Variants in LRRC72 observed in about 807,000 individuals in gnomAD.
LRRC72 encodes leucine-rich repeat-containing protein 72.
LRRC72 carries 41 observed loss-of-function variants against 35.8 expected under a neutral mutation model. That is an observed-to-expected ratio of 1.15 (90% CI 0.89 to 1.49). The LOEUF (loss-of-function observed/expected upper bound fraction) is 1.49, where lower values mean the gene tolerates loss of function less well. Ranked by LOEUF, LRRC72 falls within the 40% of genes most tolerant of loss-of-function variation. The pLI is 0.00. For missense variants in LRRC72, 389 were observed against 330.7 expected (o/e 1.18, Z -1.37); for synonymous variants, 118 against 119.2 (o/e 0.99, Z 0.07).
intron 3 of LRRC72, among the ~76,000 whole-genome samples, chr7:16,547,656 G>C (rs1463099638): frequency 3.3e-5 from 5 of 152,224 alleles, no homozygotes; most frequent in Admixed American, 2.0e-4. Context: ...CCCAAGCCTG[G>C]GCGCTGTCAC....
intron 5 of LRRC72, among the ~76,000 whole-genome samples, chr7:16,561,069 T>C (rs1782737067): frequency 6.6e-6 from 1 of 152,196 alleles, no homozygotes; most frequent in African/African-American, 2.4e-5. Flanking sequence ...CATTTATTTA[T>C]TCATTCATTC....
intron 7 of LRRC72, among the ~76,000 whole-genome samples, chr7:16,575,575 G>A (rs1783026331): frequency 1.3e-5 from 2 of 152,180 alleles, no homozygotes; most frequent in South Asian, 2.1e-4. Context: ...TTTTTAAAAT[G>A]AGTATAATAT....
At chr7:16,556,070 T>TA (rs34275623) in intron 3 of LRRC72, among the ~76,000 whole-genome samples, 59,739 of 147,594 alleles carry the variant, frequency 0.4, 12,491 homozygotes, top group East Asian at 0.53. Flanking sequence ...GAGTCAATAC[T>TA]AAAAAAAAAA....
chr7:16,530,556 C>A (rs2128334196), intron 1 of LRRC72: 1 of 152,266 alleles, frequency 6.6e-6, no homozygotes, highest in South Asian at 2.1e-4. Context: ...ATAAAATTAA[C>A]CATCAGACCA....
At chr7:16,530,094 CT>C (rs1782136633) in intron 1 of LRRC72, 1 of 152,004 alleles carries the variant, frequency 6.6e-6, no homozygotes, top group African/African-American at 2.4e-5. Context: ...GTCTAGATAT[CT>C]GTCTGTATTA....
At chr7:16,572,918 C>G (rs570647342) in intron 7 of LRRC72, among the ~76,000 whole-genome samples, 9 of 152,224 alleles carry the variant, frequency 5.9e-5, no homozygotes, top group African/African-American at 1.9e-4. Context: ...TGTCTCAGCC[C>G]AAAATCTCCT....
At chr7:16,531,189 A>T (rs1782155689) in intron 1 of LRRC72, among the ~76,000 whole-genome samples, 1 of 151,898 alleles carries the variant, frequency 6.6e-6, no homozygotes, top group Non-Finnish European at 1.5e-5. Flanking sequence ...TCAAAAAAAA[A>T]AAAAAGAAAA....
chr7:16,529,753 T>C lies in LRRC72; in HGVS notation c.90+2711T>C, dbSNP rs968347671. 2.0e-5 allele frequency among the ~76,000 whole-genome samples: 3 copies of C among 152,380 alleles called. No homozygotes were observed. The South Asian group carries it at 6.2e-4, about 32-fold the overall frequency. On this transcript the variant is annotated intron_variant, in intron 1 of 8. Coordinates refer to ENST00000401542, the MANE Select transcript of LRRC72 (RefSeq NM_001195280.2). ...TATGATAGTGATTTACATATTATGCTGATACATTCAATTTCCCTTTCACCT... is the reference window on the plus strand; with the variant it reads ...TATGATAGTGATTTACATATTATGCCGATACATTCAATTTCCCTTTCACCT...
At chr7:16,530,901 A>G (rs1220419266) in intron 1 of LRRC72, among the ~76,000 whole-genome samples, 1 of 152,168 alleles carries the variant, frequency 6.6e-6, no homozygotes, top group Non-Finnish European at 1.5e-5. Flanking sequence ...TTTAAGTTAA[A>G]ATACCCAGAT....
chr7:16,549,006 C>G (rs893771819), intron 3 of LRRC72, among the ~76,000 whole-genome samples: 2 of 152,112 alleles, frequency 1.3e-5, no homozygotes, highest in Non-Finnish European at 2.9e-5. Context: ...GAACTTAGCA[C>G]GGAGTCTGGC....
chr7:16,572,115 C>G (rs1357751311), intron 7 of LRRC72, among the ~76,000 whole-genome samples: 1 of 152,144 alleles, frequency 6.6e-6, no homozygotes, highest in Non-Finnish European at 1.5e-5. Flanking sequence ...AGGAAGAACT[C>G]AAATCCCTGA....
intron 3 of LRRC72, among the ~76,000 whole-genome samples, chr7:16,552,907 T>C (rs1002769250): frequency 6.6e-6 from 1 of 152,212 alleles, no homozygotes; most frequent in Non-Finnish European, 1.5e-5. Context: ...TTCTACCATG[T>C]AGTAGCTGTA....
intron 7 of LRRC72, among the ~76,000 whole-genome samples, chr7:16,578,334 G>A (rs771396853): frequency 1.3e-4 from 20 of 152,054 alleles, no homozygotes; most frequent in Non-Finnish European, 2.5e-4. Flanking sequence ...TTAGCCAGGC[G>A]TGGTAGCAGG....
At chr7:16,548,042 G>T (rs767482577) in intron 3 of LRRC72, among the ~76,000 whole-genome samples, 20 of 152,174 alleles carry the variant, frequency 1.3e-4, no homozygotes, top group Non-Finnish European at 2.8e-4. Flanking sequence ...CCCCTCTAAG[G>T]CCCATGAAAT....
intron 4 of LRRC72, 97 bp from the exon 5 acceptor site, chr7:16,558,792 T>C (rs1024562365): frequency 3.5e-6 from 2 of 566,000 alleles, no homozygotes; most frequent in Non-Finnish European, 5.6e-6. Context: ...TTAGTTAGCA[T>C]GTTAATTAGC....
Position 16,567,397 on chromosome 7 carries a change from C to G in LRRC72, c.524C>G (p.Thr175Arg), listed in dbSNP as rs1224090179. 2.0e-6 allele frequency: 3 copies of G among 1,482,338 alleles called. No homozygotes were observed. The highest frequency in any genetic ancestry group is 2.7e-6 in the Non-Finnish European group (3 of 1,114,498). 91.8% of individuals were successfully genotyped at this position (1,482,338 alleles called of 1,614,324 possible). A position where few individuals can be genotyped will look rare whatever the true frequency, so the allele number is the denominator to read the frequency against. Reference sequence around the variant, plus strand: ...TACTTTTTGCATTTATCAGAAGTTACAGAAAAAGAAAGAAGATCAATGATT... The same window carrying G: ...TACTTTTTGCATTTATCAGAAGTTAGAGAAAAAGAAAGAAGATCAATGATT... ...GVELLDRNQV[T>R]EKERRSMITI... Residue 175 changes from threonine to arginine, a missense_variant, in exon 7 of 9, where the codon ACA (threonine) becomes AGA (arginine). By Grantham distance (71) the Thr-to-Arg change is moderately conservative. Coordinates refer to ENST00000401542, the MANE Select transcript of LRRC72 (RefSeq NM_001195280.2).
chr7:16,571,494 T>C (rs954327513), intron 7 of LRRC72, among the ~76,000 whole-genome samples: 7 of 152,184 alleles, frequency 4.6e-5, no homozygotes, highest in Admixed American at 2.0e-4. Context: ...CCGAGGTACC[T>C]GGCTTACCTC....
At position 16,526,904 on chromosome 7, in the gene LRRC72, C is replaced by A; in HGVS notation, c.-49C>A. 6.9e-7 allele frequency: 1 copy of A among 1,451,032 alleles called. No individual in the cohort carries two copies. The highest frequency in any genetic ancestry group is 9.3e-7 in the Non-Finnish European group (1 of 1,069,678). 89.9% of individuals were successfully genotyped at this position (1,451,032 alleles called of 1,614,324 possible). A position where few individuals can be genotyped will look rare whatever the true frequency, so the allele number is the denominator to read the frequency against. On this transcript the variant is annotated 5_prime_UTR_variant, in exon 1 of 9. Coordinates refer to ENST00000401542, the MANE Select transcript of LRRC72 (RefSeq NM_001195280.2). ...CCAAGTCTCTCTTCGGTGCCACCGG[C>A]GGGCGAGGCCGGATTAATCACCGCT...
At position 16,558,248 on chromosome 7, in the gene LRRC72, C is replaced by G. The variant is rs112934107; in HGVS notation, c.317-641C>G. 1.5e-3 allele frequency among the ~76,000 whole-genome samples: 226 copies of G among 152,178 alleles called. 1 individual carries two copies. The highest frequency in any genetic ancestry group is 5.2e-3 in the African/African-American group (214 of 41,528). Reference sequence around the variant, plus strand: ...AGGAAAAAAAACCCCAAAACTAAAACCAAACAAAAAGAAGAAAATAACCCC... The same window carrying G: ...AGGAAAAAAAACCCCAAAACTAAAAGCAAACAAAAAGAAGAAAATAACCCC... On this transcript the variant is annotated intron_variant, in intron 4 of 8. Coordinates refer to ENST00000401542, the MANE Select transcript of LRRC72 (RefSeq NM_001195280.2).
Sources: allele counts gnomAD v4.1 joint callset (sites outside exome capture counted in the v4.1 genomes callset), GRCh38; gene constraint gnomAD v4.1.1; transcripts MANE v1.5; gene names NCBI Gene and HGNC (gene_info 2026-07-23, HGNC 2026-07-21).